Variants in COL6A5 observed in about 807,000 individuals in gnomAD.
COL6A5 encodes the protein collagen type VI alpha 5 chain.
Under a neutral mutation model 65.6 loss-of-function variants are expected in COL6A5, and 48 were observed. That is an observed-to-expected ratio of 0.73 (90% CI 0.58 to 0.93). The LOEUF is 0.93. COL6A5 is among the 40% of genes least tolerant of loss of function. The probability of loss-of-function intolerance (pLI) is 0.00; values close to 1 mark genes in which losing one functional copy is unlikely to be tolerated. For synonymous variants in COL6A5, 291 were observed against 322.8 expected (o/e 0.90, Z 1.05); for missense variants, 914 against 928.3 (o/e 0.98, Z 0.20).
chr3:130,453,227 A>C (rs36090915), intron 4 of COL6A5, among the ~76,000 whole-genome samples: 8,704 of 152,196 alleles, frequency 0.057, 371 homozygotes, highest in Middle Eastern at 0.11. Context: ...GGGAAGTGAT[A>C]AGTGTCCATG....
At chr3:130,394,863 A>G (rs1441916222) in intron 7 of COL6A5, 27 bp from the exon 8 acceptor site, 2 of 1,513,470 alleles carry the variant, frequency 1.3e-6, no homozygotes, top group Admixed American at 2.2e-5. Flanking sequence ...TCATGAGGAA[A>G]ATAATTTATT....
chr3:130,474,434 G>A (rs1710037311), intron 7 of COL6A5, among the ~76,000 whole-genome samples: 1 of 152,020 alleles, frequency 6.6e-6, no homozygotes, highest in African/African-American at 2.4e-5. Context: ...CAGAGAACCA[G>A]GAGATGTGAA....
intron 19 of COL6A5, 33 bp from the exon 20 acceptor site, chr3:130,410,438 C>G: frequency 6.6e-7 from 1 of 1,516,188 alleles, no homozygotes; most frequent in Non-Finnish European, 8.9e-7. Flanking sequence ...GAATTTTTTC[C>G]TTTTGATCTT....
chr3:130,453,048 C>A (rs1396682139), intron 4 of COL6A5, among the ~76,000 whole-genome samples: 1 of 152,044 alleles, frequency 6.6e-6, no homozygotes, highest in Admixed American at 6.5e-5. Context: ...GTTCTTTTTT[C>A]AAGGTGCCCA....
chr3:130,410,470 G>T lies in COL6A5; in HGVS notation c.4609-1G>T. 1 of 1,549,466 alleles carries T rather than the reference G, an allele frequency of 6.5e-7. No homozygotes were observed. Among genetic ancestry groups the T allele is most frequent in the Non-Finnish European group, 8.7e-7 (1 of 1,145,224 alleles). On this transcript the variant is annotated splice_acceptor_variant and NMD_transcript_variant, in intron 19 of 41. Transcript: ENST00000312481. ...TCTTGAGGAAATTATTATATTTTTA[G>T]GGTAGAAGTGGACAGAAAGGGGTGC...
intron 13 of COL6A5, 48 bp from the exon 14 acceptor site, chr3:130,405,540 T>A: frequency 2.8e-6 from 4 of 1,418,416 alleles, no homozygotes; most frequent in Non-Finnish European, 3.9e-6. Flanking sequence ...ACTGGCAGCT[T>A]CTGGCAAAAA....
exon 14 of COL6A5, chr3:130,405,589 G>T (rs2107668744): frequency 6.4e-7 from 1 of 1,550,484 alleles, no homozygotes; most frequent in Middle Eastern, 1.7e-4. Flanking sequence ...TTTTCTTAGG[G>T]AGTACGAGGA....
intron 1 of COL6A5, among the ~76,000 whole-genome samples, 169 bp from the exon 34 acceptor site, chr3:130,439,344 TGTGTGTGTG>T (rs1451842740): frequency 3.1e-4 from 3 of 9,714 alleles, no homozygotes; most frequent in Admixed American, 2.0e-3. Flanking sequence ...GGGGATTGTG[TGTGTGTGTG>T]TGTGTGTGTG....
chr3:130,394,835 G>T, intron 7 of COL6A5, 55 bp from the exon 8 acceptor site: 2 of 1,381,086 alleles, frequency 1.4e-6, no homozygotes, highest in Non-Finnish European at 2.0e-6. Context: ...TATGAGGAAA[G>T]GAAAAATTTC....
intron 30 of COL6A5, 30 bp from the exon 31 acceptor site, chr3:130,426,337 C>T: frequency 6.4e-7 from 1 of 1,551,368 alleles, no homozygotes; most frequent in Non-Finnish European, 8.7e-7. Flanking sequence ...ACTTGCATTT[C>T]TTTTCTCTCT....
intron 1 of COL6A5, among the ~76,000 whole-genome samples, chr3:130,436,257 TTTA>T (rs1471049843): frequency 2.7e-5 from 4 of 150,730 alleles, no homozygotes; most frequent in East Asian, 1.9e-4. Flanking sequence ...TTATCATTTA[TTTA>T]TTATTATATT....
intron 4 of COL6A5, among the ~76,000 whole-genome samples, chr3:130,447,243 G>C (rs1253061735): frequency 3.1e-4 from 47 of 152,232 alleles, no homozygotes. Flanking sequence ...TAAAACCTGA[G>C]AAGGTATCTA....
At chr3:130,446,885 TTA>T (rs1709318345) in intron 4 of COL6A5, among the ~76,000 whole-genome samples, 3 of 152,162 alleles carry the variant, frequency 2.0e-5, no homozygotes, top group Admixed American at 1.3e-4. Flanking sequence ...TTGGCTGCAG[TTA>T]GAGTATTATC....
At chr3:130,409,443 A>G (rs1337664102) in intron 18 of COL6A5, 55 bp downstream of exon 18, 4 of 1,420,624 alleles carry the variant, frequency 2.8e-6, no homozygotes, top group Non-Finnish European at 3.8e-6. Context: ...CACAGTTCCT[A>G]TCTCCTTTCC....
At chr3:130,439,711 A>G (rs759474080) in intron 2 of COL6A5, 96 bp downstream of exon 34, 5 of 835,140 alleles carry the variant, frequency 6.0e-6, no homozygotes, top group South Asian at 1.6e-5. Context: ...TCTATTTTTA[A>G]TCATAGGTTC....
At position 130,457,244 on chromosome 3, in the gene COL6A5, T is replaced by C. The variant is rs965137325; in HGVS notation, c.1544+1578T>C. Reference sequence around the variant, plus strand: ...GGAAAAAAGAGAAGAAGAGGTGTTTTGGTAGAGGGTTAGAGTATCAAATTG... The same window carrying C: ...GGAAAAAAGAGAAGAAGAGGTGTTTCGGTAGAGGGTTAGAGTATCAAATTG... On this transcript the variant is annotated intron_variant, in intron 5 of 7. Transcript: ENST00000512836. 2.6e-5 allele frequency among the ~76,000 whole-genome samples: 4 copies of C among 152,150 alleles called. No individual in the cohort carries two copies. The East Asian group carries it at 7.8e-4, about 30-fold the overall frequency.
intron 17 of COL6A5, among the ~76,000 whole-genome samples, chr3:130,408,236 A>G (rs12635836): frequency 0.31 from 45,800 of 147,390 alleles, 8,298 homozygotes; most frequent in East Asian, 0.61. Flanking sequence ...CTCAGCAAGG[A>G]ATCACCCTGG....
intron 1 of COL6A5, among the ~76,000 whole-genome samples, chr3:130,437,071 C>G (rs1454085856): frequency 6.6e-6 from 1 of 152,112 alleles, no homozygotes; most frequent in African/African-American, 2.4e-5. Flanking sequence ...CTCTTCATCA[C>G]AGCTAATAAA....
intron 21 of COL6A5, 107 bp from the exon 22 acceptor site, chr3:130,413,962 C>A: frequency 1.2e-6 from 1 of 825,548 alleles, no homozygotes. Flanking sequence ...GGGTGAGCCA[C>A]AAGTCAGACA....
Sources: allele counts gnomAD v4.1 joint callset (sites outside exome capture counted in the v4.1 genomes callset), GRCh38; gene constraint gnomAD v4.1.1; transcripts MANE v1.5; gene names NCBI Gene and HGNC (gene_info 2026-07-23, HGNC 2026-07-21).